The following EPB41L2 variants were observed in gnomAD, a reference collection of about 807,000 sequenced individuals.
The protein encoded by EPB41L2 is band 4.1-like protein 2.
Under a neutral mutation model 113.0 loss-of-function variants are expected in EPB41L2, and 43 were observed. The ratio of observed to expected loss-of-function variants is 0.38; its 90% CI spans 0.30 to 0.49. The LOEUF is 0.49. Among genes scored for constraint, EPB41L2 ranks in the 20% least tolerant of loss-of-function variants. The pLI is 0.95. For missense variants in EPB41L2, 1,147 were observed against 1,223.4 expected (o/e 0.94, Z 0.93); for synonymous variants, 442 against 436.7 (o/e 1.01, Z -0.15).
intron 10 of EPB41L2, among the ~76,000 whole-genome samples, chr6:130,893,913 A>C (rs1028386597): frequency 1.3e-5 from 2 of 152,094 alleles, no homozygotes; most frequent in Admixed American, 6.5e-5. Flanking sequence ...TGGAAAGAAG[A>C]ATGGTAGCAG....
At chr6:130,934,214 C>T (rs899903100) in intron 3 of EPB41L2, among the ~76,000 whole-genome samples, 1 of 152,148 alleles carries the variant, frequency 6.6e-6, no homozygotes, top group African/African-American at 2.4e-5. Flanking sequence ...GCTGTCAACA[C>T]ATCTCTTTCC....
intron 3 of EPB41L2, among the ~76,000 whole-genome samples, chr6:130,931,320 A>G (rs1378292922): frequency 2.6e-5 from 4 of 152,192 alleles, no homozygotes; most frequent in African/African-American, 9.6e-5. Context: ...AAATAGCTAT[A>G]ATAAAGTCAT....
intron 1 of EPB41L2, among the ~76,000 whole-genome samples, chr6:131,030,129 G>T (rs1791815228): frequency 6.6e-6 from 1 of 152,162 alleles, no homozygotes; most frequent in Non-Finnish European, 1.5e-5. Flanking sequence ...CAGAGGCTCT[G>T]CCAAGTGACT....
At chr6:130,982,875 T>C (rs1446351641) in intron 1 of EPB41L2, among the ~76,000 whole-genome samples, 2 of 152,116 alleles carry the variant, frequency 1.3e-5, no homozygotes, top group African/African-American at 4.8e-5. Flanking sequence ...TTAATAAGCA[T>C]AAAATGCAAA....
chr6:130,870,170 T>A (rs761200397), intron 14 of EPB41L2, 44 bp from the exon 15 acceptor site: 2 of 1,564,574 alleles, frequency 1.3e-6, no homozygotes, highest in Non-Finnish European at 1.7e-6. Context: ...AATATATGAA[T>A]AAATAAAAAC....
At position 130,894,259 on chromosome 6, in the gene EPB41L2, A is replaced by G. The variant is rs2128485986; in HGVS notation, c.1487+85T>C. 3.8e-6 allele frequency: 4 copies of G among 1,062,124 alleles called. No homozygotes were observed. In the East Asian group the frequency reaches 7.2e-5, roughly 19 times the overall value. 65.8% of individuals were successfully genotyped at this position (1,062,124 alleles called of 1,614,324 possible). ...GGTCTCAAACTCCTGGGGTCAAGTG[A>G]TCCTCCCACCTCTGCCTCCTGAGTC... is the stretch of plus-strand genomic sequence containing the variant. On this transcript the variant is annotated intron_variant, in intron 10 of 19. Coordinates refer to ENST00000337057, the MANE Select transcript of EPB41L2 (RefSeq NM_001431.4).
intron 1 of EPB41L2, among the ~76,000 whole-genome samples, chr6:131,015,033 A>G (rs2128730251): frequency 6.6e-6 from 1 of 152,310 alleles, no homozygotes; most frequent in Non-Finnish European, 1.5e-5. Flanking sequence ...TAATTTTTCC[A>G]ACTTAAATAA....
At chr6:131,051,707 G>A (rs969054401) in intron 1 of EPB41L2, among the ~76,000 whole-genome samples, 1 of 152,108 alleles carries the variant, frequency 6.6e-6, no homozygotes, top group Non-Finnish European at 1.5e-5. Flanking sequence ...GTGAGAGAAA[G>A]AGCATCCTTC....
At position 130,954,040 on chromosome 6, in the gene EPB41L2, C is replaced by CTTTTTTTTTTTT. The variant is rs780758511; in HGVS notation, c.705+1053_705+1064dup. Reference sequence around the variant, plus strand: ...TCCTCTTTTGCTAGTCCTTTTCTTTCTTTTTTTTTTTTTTTTTTTTTTTTT... The same window carrying CTTTTTTTTTTTT: ...TCCTCTTTTGCTAGTCCTTTTCTTTCTTTTTTTTTTTTTTTTTTTTTTTTTTTTTTTTTTTTT... On this transcript the variant is annotated intron_variant, in intron 3 of 19. Transcript: ENST00000337057. Among the ~76,000 whole-genome samples the CTTTTTTTTTTTT allele has an allele frequency of 4.9e-3, 287 of 58,846 alleles. 26 individuals carry two copies. Among genetic ancestry groups the CTTTTTTTTTTTT allele is most frequent in the Non-Finnish European group, 5.1e-3 (155 of 30,224 alleles). The allele number at this position is 58,846 out of a possible 152,430, so 38.6% of individuals were successfully genotyped here.
chr6:130,844,979 T>C (rs960264748), intron 19 of EPB41L2, among the ~76,000 whole-genome samples: 7 of 151,924 alleles, frequency 4.6e-5, no homozygotes, highest in African/African-American at 1.7e-4. Context: ...GAGGCAGAAG[T>C]TGCAGTGAGC....
chr6:131,007,766 G>C (rs1292767186), intron 1 of EPB41L2, among the ~76,000 whole-genome samples: 1 of 152,186 alleles, frequency 6.6e-6, no homozygotes, highest in Non-Finnish European at 1.5e-5. Context: ...CTGCCCTAGA[G>C]ATCTGTGGAA....
chr6:130,885,182 T>C lies in EPB41L2; in HGVS notation c.1747A>G (p.Ser583Gly). 6.2e-7 allele frequency: 1 copy of C among 1,614,170 alleles called. No homozygotes were observed. ...TCCCCATCTTGTACCACGGCAATGC[T>C]GACAAGTCCAGGTCCATAGGCTGAA... The part of the protein sequence containing the change: ...EISAYGPGLV[S>G]IAVVQDGDGR... The change falls in exon 12 of 20, where the codon AGC becomes GGC. Residue 583 changes from serine to glycine, a missense_variant. Physicochemically the swap from Ser to Gly is moderately conservative, Grantham distance 56. Transcript: ENST00000337057.
chr6:130,963,316 T>C (rs1363587865), intron 1 of EPB41L2, among the ~76,000 whole-genome samples: 2 of 152,224 alleles, frequency 1.3e-5, no homozygotes, highest in Admixed American at 1.3e-4. Context: ...TCATTATTAC[T>C]CCCACTGCAT....
chr6:130,860,087 T>A (rs1345652984), intron 18 of EPB41L2, among the ~76,000 whole-genome samples: 2 of 152,226 alleles, frequency 1.3e-5, no homozygotes, highest in Non-Finnish European at 2.9e-5. Flanking sequence ...TACATTGTGT[T>A]TGTGTGTGTC....
chr6:130,896,580 C>T (rs1035179486), intron 8 of EPB41L2, among the ~76,000 whole-genome samples: 1 of 152,222 alleles, frequency 6.6e-6, no homozygotes, highest in Non-Finnish European at 1.5e-5. Flanking sequence ...GCTATTTTAT[C>T]TGACTTAAAA....
At chr6:130,973,133 T>G (rs1335540672) in intron 1 of EPB41L2, among the ~76,000 whole-genome samples, 1 of 151,958 alleles carries the variant, frequency 6.6e-6, no homozygotes, top group Non-Finnish European at 1.5e-5. Flanking sequence ...AAAGTAAGGT[T>G]TGCTTAATGG....
chr6:131,012,964 A>G (rs1164584860), intron 1 of EPB41L2, among the ~76,000 whole-genome samples: 1 of 152,202 alleles, frequency 6.6e-6, no homozygotes, highest in African/African-American at 2.4e-5. Context: ...TTGTATTAAT[A>G]ATAATTAGCA....
At chr6:131,026,676 A>G (rs922217877) in intron 1 of EPB41L2, among the ~76,000 whole-genome samples, 2 of 152,122 alleles carry the variant, frequency 1.3e-5, no homozygotes, top group Non-Finnish European at 2.9e-5. Context: ...TTTCGCACAA[A>G]CCATACTGGA....
At chr6:130,986,632 C>A (rs1780621688) in intron 1 of EPB41L2, among the ~76,000 whole-genome samples, 1 of 150,872 alleles carries the variant, frequency 6.6e-6, no homozygotes, top group Non-Finnish European at 1.5e-5. Flanking sequence ...GCCCAGGAGG[C>A]TGGAGTGCAG....
Sources: allele counts gnomAD v4.1 joint callset (sites outside exome capture counted in the v4.1 genomes callset), GRCh38; gene constraint gnomAD v4.1.1; transcripts MANE v1.5; gene names NCBI Gene and HGNC (gene_info 2026-07-23, HGNC 2026-07-21).